SLCO4A1: variants seen among roughly 807,000 people sequenced by gnomAD.
SLCO4A1 encodes the protein colon organic anion transporter.
Under a neutral mutation model 64.6 loss-of-function variants are expected in SLCO4A1, and 51 were observed. The ratio of observed to expected loss-of-function variants is 0.79; its 90% CI spans 0.63 to 1.00. The LOEUF is 1.00. Ranked by LOEUF, SLCO4A1 falls within the 50% of genes least tolerant of loss-of-function variation. SLCO4A1 has a pLI of 0.00. For synonymous variants in SLCO4A1, 471 were observed against 444.9 expected (o/e 1.06, Z -0.74); for missense variants, 919 against 980.5 (o/e 0.94, Z 0.84).
intron 6 of SLCO4A1, 28 bp from the exon 7 acceptor site, chr20:62,666,352 C>T (rs1325343581): frequency 1.9e-6 from 3 of 1,606,082 alleles, no homozygotes; most frequent in Non-Finnish European, 2.6e-6. Flanking sequence ...CTGCCTGAGT[C>T]CCTGGCTGAA....
In SLCO4A1 at chr20:62,665,110, G is replaced by A. The variant is rs372560016; in HGVS notation, c.1276+22G>A. The A allele has an allele frequency of 1.7e-5, 27 of 1,593,346 alleles. No homozygotes were observed. In the African/African-American group the frequency reaches 3.4e-4, roughly 20 times the overall value. On this transcript the variant is annotated intron_variant, in intron 6 of 11. Coordinates refer to ENST00000217159, the MANE Select transcript of SLCO4A1 (RefSeq NM_016354.4). Reference sequence around the variant, plus strand: ...TTTGGTGAGAAAACTGAATCTTGGGGGTCCTCTGCTTTTATGTCAGTTCTC... The same window carrying A: ...TTTGGTGAGAAAACTGAATCTTGGGAGTCCTCTGCTTTTATGTCAGTTCTC...
At chr20:62,689,028 T>C (rs978424876), downstream of SLCO4A1, among the ~76,000 whole-genome samples, 2 of 152,220 alleles carry the variant, frequency 1.3e-5, no homozygotes, top group Non-Finnish European at 2.9e-5. Context: ...TGGTTAGTCT[T>C]GGAGCCAGCA....
At chr20:62,657,356 C>T (rs1192641976) in intron 2 of SLCO4A1, 106 bp downstream of exon 2, 3 of 1,086,474 alleles carry the variant, frequency 2.8e-6, no homozygotes, top group Non-Finnish European at 3.9e-6. Context: ...CTTCGTGTAC[C>T]CCTTGTCTGC....
At chr20:62,654,720 G>T (rs918843330) in intron 1 of SLCO4A1, among the ~76,000 whole-genome samples, 1 of 152,136 alleles carries the variant, frequency 6.6e-6, no homozygotes, top group African/African-American at 2.4e-5. Context: ...GAAGCGCCGG[G>T]GTCCCTGTTG....
rs1391421766 is a variant in SLCO4A1 at position 62,665,363 on chromosome 20, T to C, written c.1276+275T>C. 7 of 405,910 alleles carry C rather than the reference T, an allele frequency of 1.7e-5. No homozygotes were observed. In the South Asian group the frequency reaches 1.8e-4, roughly 10 times the overall value. The allele number at this position is 405,910 out of a possible 1,614,324, so 25.1% of individuals were successfully genotyped here. On this transcript the variant is annotated intron_variant, in intron 6 of 11. Transcript: ENST00000217159. ...CCCCTAGCCACCTAGTCTTGGCTTCTGTGACTTGGTGCAGGAAGGGTTTGG... is the reference window on the plus strand; with the variant it reads ...CCCCTAGCCACCTAGTCTTGGCTTCCGTGACTTGGTGCAGGAAGGGTTTGG...
chr20:62,676,342 C>G (rs375900463), downstream of SLCO4A1, among the ~76,000 whole-genome samples: 3 of 152,170 alleles, frequency 2.0e-5, no homozygotes, highest in South Asian at 4.1e-4. Context: ...ATCGCCTAAG[C>G]CTGGGAGGTC....
intron 11 of SLCO4A1, among the ~76,000 whole-genome samples, chr20:62,670,778 G>A (rs1178167552): frequency 4.6e-5 from 7 of 152,220 alleles, no homozygotes; most frequent in Non-Finnish European, 8.8e-5. Context: ...CAGCGCATGC[G>A]TCCATGTTAA....
In SLCO4A1 at chr20:62,666,584, C is replaced by T. The variant is rs1036824149; in HGVS notation, c.1472+9C>T. ...GCCAGCTACGGCGGGAGGTGAGGGC[C>T]AGATGGCACCTGGGTACGCGTCGGG... On this transcript the variant is annotated intron_variant, in intron 7 of 11. Coordinates refer to ENST00000217159, the MANE Select transcript of SLCO4A1 (RefSeq NM_016354.4). 2 of 1,610,258 alleles carry T rather than the reference C, an allele frequency of 1.2e-6. No homozygotes were observed. The highest frequency in any genetic ancestry group is 1.3e-5 in the African/African-American group (1 of 74,918).
chr20:62,652,057 C>A (rs1254749274), intron 1 of SLCO4A1: 1 of 146,742 alleles, frequency 6.8e-6, no homozygotes, highest in Admixed American at 6.7e-5. Context: ...CCACACCCCC[C>A]ACCCCCGCTC....
chr20:62,657,386 A>G, intron 2 of SLCO4A1, 136 bp downstream of exon 2: 1 of 871,736 alleles, frequency 1.1e-6, no homozygotes. Context: ...GGGCTGCTGC[A>G]AGAGTTGGCA....
chr20:62,684,759 G>A (rs1184456651), intron 2 of SLCO4A1, among the ~76,000 whole-genome samples: 1 of 152,072 alleles, frequency 6.6e-6, no homozygotes, highest in Non-Finnish European at 1.5e-5. Context: ...GGCGATCAGG[G>A]GTCCCCATAA....
chr20:62,667,897 T>C lies in SLCO4A1; in HGVS notation c.1625T>C (p.Val542Ala), dbSNP rs1386346196. ...TGCCCTGCAGCCACGGAGACGAATG[T>C]GGACGGCCAGAAGGTGAGTGGAGCC... ...AGCPAATETN[V>A]DGQKVYRDCS... is the part of the protein sequence containing the mutation. The change falls in exon 8 of 12, where the codon GTG (valine) becomes GCG (alanine). Residue 542 changes from valine to alanine, a missense_variant. Transcript: ENST00000217159. The C allele has an allele frequency of 6.2e-7, 1 of 1,613,868 alleles. No individual in the cohort carries two copies. Among genetic ancestry groups the C allele is most frequent in the Non-Finnish European group, 8.5e-7 (1 of 1,180,036 alleles).
intron 7 of SLCO4A1, chr20:62,666,821 C>G (rs1457483058): frequency 1.8e-6 from 1 of 543,322 alleles, no homozygotes; most frequent in Admixed American, 3.1e-5. Flanking sequence ...TCATATGCCT[C>G]TCTGGGCCTC....
downstream of SLCO4A1, among the ~76,000 whole-genome samples, chr20:62,688,186 G>T (rs574098222): frequency 6.6e-6 from 1 of 152,144 alleles, no homozygotes; most frequent in African/African-American, 2.4e-5. Context: ...TATGCAAGCC[G>T]CAGAAGCTGG....
At position 62,644,541 on chromosome 20, in the gene SLCO4A1, C is replaced by G. The variant is rs562093153; in HGVS notation, c.-97+1988C>G. 6.6e-6 allele frequency among the ~76,000 whole-genome samples: 1 copy of G among 152,226 alleles called. No individual in the cohort carries two copies. The highest frequency in any genetic ancestry group is 2.4e-5 in the African/African-American group (1 of 41,456). ...CTTGCTAGACTAAGCCCAGAGAGGC[C>G]GGCTCTCCTCGGGGCTCTGATGGGC... On this transcript the variant is annotated intron_variant, in intron 1 of 11. Transcript: ENST00000217159. The surrounding 1 kb of genome is among the most constrained non-coding windows in gnomAD (Gnocchi z 5.4).
intron 2 of SLCO4A1, among the ~76,000 whole-genome samples, chr20:62,684,135 G>T (rs550591363): frequency 5.9e-5 from 9 of 152,116 alleles, no homozygotes; most frequent in Non-Finnish European, 1.3e-4. Flanking sequence ...AAGATCTCAC[G>T]TGACCACGCG....
At chr20:62,684,278 GT>G (rs1052489253) in intron 2 of SLCO4A1, among the ~76,000 whole-genome samples, 4 of 152,228 alleles carry the variant, frequency 2.6e-5, no homozygotes, top group African/African-American at 9.6e-5. Flanking sequence ...TGATACCACA[GT>G]CTCAGTTTCA....
chr20:62,656,314 C>G, intron 1 of SLCO4A1, 45 bp from the exon 2 acceptor site: 1 of 694,506 alleles, frequency 1.4e-6, no homozygotes, highest in Non-Finnish European at 2.4e-6. Context: ...ATGTGCTGTA[C>G]CCGTGGAGAG....
In SLCO4A1 at chr20:62,642,904, G is replaced by T. The variant is rs1000855917; in HGVS notation, c.-97+351G>T. Reference sequence around the variant, plus strand: ...CTGGCAGGGACTGTCGGAGTGGCCGGGGCAGGTGACCTGGGCAGGTGGCCC... The same window carrying T: ...CTGGCAGGGACTGTCGGAGTGGCCGTGGCAGGTGACCTGGGCAGGTGGCCC... On this transcript the variant is annotated intron_variant, in intron 1 of 11. Coordinates refer to ENST00000217159, the MANE Select transcript of SLCO4A1 (RefSeq NM_016354.4). The T allele has an allele frequency of 1.1e-3, 457 of 426,744 alleles. 2 individuals are homozygous for T. Among genetic ancestry groups the T allele is most frequent in the Non-Finnish European group, 5.8e-4 (121 of 206,940 alleles). 26.4% of individuals were successfully genotyped at this position (426,744 alleles called of 1,614,324 possible). A position where few individuals can be genotyped will look rare whatever the true frequency, so the allele number is the denominator to read the frequency against.
Sources: gnomAD v4.1 joint callset for allele counts (sites outside exome capture counted in the v4.1 genomes callset) on GRCh38, gnomAD v4.1.1 for gene constraint, Gnocchi (gnomAD v3.1) non-coding constraint, MANE v1.5 for transcripts, NCBI Gene and HGNC (gene_info 2026-07-23, HGNC 2026-07-21) for gene names.